The following LAMA1 variants were observed in gnomAD, a reference collection of about 807,000 sequenced individuals.
LAMA1 encodes the protein laminin subunit alpha 1, also known as laminin subunit alpha-1.
In LAMA1, 219 loss-of-function variants were observed where a neutral mutation model predicts 348.7. The ratio of observed to expected loss-of-function variants is 0.63; its 90% CI spans 0.56 to 0.70. LAMA1 has a LOEUF of 0.70. Among genes scored for constraint, LAMA1 ranks in the 30% least tolerant of loss-of-function variants. The probability of loss-of-function intolerance (pLI) is 0.00; values close to 1 mark genes in which losing one functional copy is unlikely to be tolerated. For synonymous variants in LAMA1, 1,487 were observed against 1,491.0 expected (o/e 1.00, Z 0.06); for missense variants, 3,744 against 3,888.0 (o/e 0.96, Z 0.99).
At chr18:6,997,029 G>C (rs1214597491) in intron 33 of LAMA1, among the ~76,000 whole-genome samples, 1 of 152,048 alleles carries the variant, frequency 6.6e-6, no homozygotes, top group Non-Finnish European at 1.5e-5. Flanking sequence ...AGAAGATACT[G>C]TTCAGATTTA....
Position 7,037,667 on chromosome 18 carries a change from G to T in LAMA1, c.1648C>A (p.His550Asn). 6.2e-7 allele frequency: 1 copy of T among 1,614,136 alleles called. No individual in the cohort carries two copies. The highest frequency in any genetic ancestry group is 8.5e-7 in the Non-Finnish European group (1 of 1,180,028). Residue 550 changes from histidine to asparagine, a missense_variant, in exon 12 of 63, where the codon CAT becomes AAT. Physicochemically the swap from His to Asn is moderately conservative, Grantham distance 68. Around this residue, in one of 3 missense-constraint regions of LAMA1, gnomAD observed 1,529 missense variants for 1,689.4 expected, o/e 0.91. Transcript: ENST00000389658. ...GCGGTGTTGTTGATGCTGACCTGATGGCGCCCGCCTAGTGCATCTTGCTGA... is the reference window on the plus strand; with the variant it reads ...GCGGTGTTGTTGATGCTGACCTGATTGCGCCCGCCTAGTGCATCTTGCTGA... ...PSQQDALGGR[H>N]QVSINNTAVM...
Position 7,111,656 on chromosome 18 carries a change from G to A in LAMA1, c.61+6004C>T, listed in dbSNP as rs148923771. On this transcript the variant is annotated intron_variant, in intron 1 of 62. Transcript: ENST00000389658. ...CTTCTATGAAGGGTTTTTCCTCCTCGTTAATTTTGCAATGCCTTGGTTTAT... is the reference window on the plus strand; with the variant it reads ...CTTCTATGAAGGGTTTTTCCTCCTCATTAATTTTGCAATGCCTTGGTTTAT... 3.5e-4 allele frequency among the ~76,000 whole-genome samples: 54 copies of A among 152,222 alleles called. 1 individual carries two copies. The highest frequency in any genetic ancestry group is 3.4e-3 in the Middle Eastern group (1 of 294).
Position 6,942,028 on chromosome 18 carries a change from C to T in LAMA1, c.*51G>A, listed in dbSNP as rs372168857. On this transcript the variant is annotated 3_prime_UTR_variant, in exon 63 of 63. Coordinates refer to ENST00000389658, the MANE Select transcript of LAMA1 (RefSeq NM_005559.4). ...AAGAGATTCTTAATTCACACATACA[C>T]TTCTCCTCAAAATATTAGCAATGAT... 27 of 1,602,304 alleles carry T rather than the reference C, an allele frequency of 1.7e-5. No homozygotes were observed. Among genetic ancestry groups the T allele is most frequent in the African/African-American group, 2.7e-5 (2 of 74,708 alleles).
chr18:6,952,355 G>A (rs987764886), intron 57 of LAMA1, among the ~76,000 whole-genome samples: 26 of 152,216 alleles, frequency 1.7e-4, no homozygotes, highest in African/African-American at 6.3e-4. Context: ...TGTGCGGGAG[G>A]CTGACCGGAT....
At chr18:7,044,014 G>T (rs2058031720) in intron 7 of LAMA1, among the ~76,000 whole-genome samples, 1 of 151,790 alleles carries the variant, frequency 6.6e-6, no homozygotes, top group Non-Finnish European at 1.5e-5. Context: ...AAATTAGCCG[G>T]GTGTGGTGGT....
chr18:7,043,912 T>C (rs992239377), intron 7 of LAMA1, among the ~76,000 whole-genome samples: 263 of 152,220 alleles, frequency 1.7e-3, no homozygotes, highest in African/African-American at 5.6e-3. Context: ...TCCCAGCACT[T>C]TGGGAGGCCG....
chr18:6,982,232 A>C (rs879341662), intron 41 of LAMA1, among the ~76,000 whole-genome samples: 1 of 152,232 alleles, frequency 6.6e-6, no homozygotes, highest in East Asian at 1.9e-4. Flanking sequence ...CAATGAGTGG[A>C]GGATTATGGA....
intron 3 of LAMA1, among the ~76,000 whole-genome samples, chr18:7,078,270 C>G (rs1207779973): frequency 6.6e-6 from 1 of 150,416 alleles, no homozygotes; most frequent in East Asian, 2.0e-4. Context: ...GGGTTCACGC[C>G]ATTCTCCTGC....
intron 57 of LAMA1, 198 bp downstream of exon 57, chr18:6,955,155 C>T (rs2057569350): frequency 1.6e-6 from 1 of 607,028 alleles, no homozygotes; most frequent in South Asian, 1.9e-5. Flanking sequence ...GCAGAAACCA[C>T]AGACTCCCCA....
chr18:7,074,490 G>A (rs933357358), intron 3 of LAMA1, among the ~76,000 whole-genome samples: 1 of 152,192 alleles, frequency 6.6e-6, no homozygotes, highest in Non-Finnish European at 1.5e-5. Context: ...TTCATGAAAT[G>A]TGCATGCTCT....
Position 6,985,429 on chromosome 18 carries a change from T to C in LAMA1, c.5497-29A>G, listed in dbSNP as rs202035936. 1.4e-5 allele frequency: 22 copies of C among 1,611,856 alleles called. No homozygotes were observed. The East Asian group carries it at 4.7e-4, about 34-fold the overall frequency. On this transcript the variant is annotated intron_variant, in intron 38 of 62. Transcript: ENST00000389658. ...CATGGAGAAATTAATATTGTAAATA[T>C]ATGCACATCTACTTAATAACAGATA...
chr18:6,991,074 T>TC (rs1027892188), intron 36 of LAMA1, among the ~76,000 whole-genome samples: 14 of 151,832 alleles, frequency 9.2e-5, no homozygotes, highest in African/African-American at 3.4e-4. Context: ...CTCCTCTCAT[T>TC]CCCCCTGCGC....
At chr18:6,957,708 G>C (rs1335388093) in intron 55 of LAMA1, among the ~76,000 whole-genome samples, 2 of 152,180 alleles carry the variant, frequency 1.3e-5, no homozygotes, top group African/African-American at 4.8e-5. Flanking sequence ...TGAGCAAGGA[G>C]GAATGAACTG....
intron 39 of LAMA1, 139 bp from the exon 40 acceptor site, chr18:6,983,373 TAAC>T (rs1267846707): frequency 8.0e-6 from 7 of 878,786 alleles, no homozygotes; most frequent in Non-Finnish European, 1.1e-5. Flanking sequence ...CCATAAAAAA[TAAC>T]AACCTATGGG....
intron 9 of LAMA1, among the ~76,000 whole-genome samples, chr18:7,041,813 A>T (rs2058021638): frequency 6.6e-6 from 1 of 152,138 alleles, no homozygotes; most frequent in Admixed American, 6.5e-5. Context: ...TCATCACCCC[A>T]ACATTGTCAC....
intron 8 of LAMA1, chr18:7,042,495 C>A (rs585791): frequency 0.21 from 92,957 of 445,388 alleles, 10,928 homozygotes; most frequent in African/African-American, 0.41. Context: ...TATCCCTGCT[C>A]TCCAGCCCCC....
At chr18:7,070,522 T>C (rs7240591) in intron 3 of LAMA1, among the ~76,000 whole-genome samples, 21,849 of 152,154 alleles carry the variant, frequency 0.14, 5,213 homozygotes, top group African/African-American at 0.5. Flanking sequence ...TAAACCTCAC[T>C]CAATACTGGT....
intron 42 of LAMA1, among the ~76,000 whole-genome samples, 195 bp from the exon 43 acceptor site, chr18:6,978,573 AT>A (rs1261911103): frequency 1.3e-5 from 2 of 152,154 alleles, no homozygotes; most frequent in African/African-American, 4.8e-5. Context: ...CTTGTTTCTA[AT>A]GGCAATATTA....
rs9956659 is a variant in LAMA1, at chr18:6,966,131, G to A, written c.7050+16C>T. On this transcript the variant is annotated intron_variant, in intron 49 of 62. Coordinates refer to ENST00000389658, the MANE Select transcript of LAMA1 (RefSeq NM_005559.4). ...TGTGTATACAGTAGGGCCTAGGGCC[G>A]CACAAACACTCTTACTGTGCCGTAT... The A allele has an allele frequency of 7.3e-3, 11,803 of 1,613,474 alleles. 535 individuals are homozygous for A. The African/African-American group carries it at 0.11, about 16-fold the overall frequency.
Sources: allele counts gnomAD v4.1 joint callset (sites outside exome capture counted in the v4.1 genomes callset), GRCh38; gene constraint gnomAD v4.1.1; regional missense constraint gnomAD v4.1.1; transcripts MANE v1.5; gene names NCBI Gene and HGNC (gene_info 2026-07-23, HGNC 2026-07-21).